The following GALNT13 variants were observed in gnomAD, a reference collection of about 807,000 sequenced individuals.
GALNT13 encodes polypeptide N-acetylgalactosaminyltransferase 13.
Under a neutral mutation model 64.2 loss-of-function variants are expected in GALNT13, and 28 were observed. That is an observed-to-expected ratio of 0.44 (90% CI 0.32 to 0.60). The LOEUF (loss-of-function observed/expected upper bound fraction) is 0.60. Among genes scored for constraint, GALNT13 ranks in the 20% least tolerant of loss-of-function variants. GALNT13 has a pLI of 0.05. For missense variants in GALNT13, 577 were observed against 669.8 expected (o/e 0.86, Z 1.53); for synonymous variants, 214 against 224.6 (o/e 0.95, Z 0.42).
intron 3 of GALNT13, among the ~76,000 whole-genome samples, chr2:154,052,382 C>T (rs1209947659): frequency 2.0e-5 from 3 of 152,152 alleles, no homozygotes; most frequent in East Asian, 1.9e-4. Context: ...CAAATGACCC[C>T]ATTATCTCCA....
At chr2:153,704,383 A>G in the GALNT13 span, among the ~76,000 whole-genome samples, 5 of 152,302 alleles carry the variant, frequency 3.3e-5, no homozygotes, top group Non-Finnish European at 1.5e-5. Flanking sequence ...TTATTTGAGC[A>G]TCATATTAAC....
At chr2:153,520,851 A>C in the GALNT13 span, among the ~76,000 whole-genome samples, 13,842 of 152,190 alleles carry the variant, frequency 0.091, 680 homozygotes, top group Middle Eastern at 0.16. Context: ...AAGTACATGA[A>C]CAGAAGAGAC....
chr2:153,850,850 A>G, the GALNT13 span, among the ~76,000 whole-genome samples: 1 of 152,200 alleles, frequency 6.6e-6, no homozygotes, highest in African/African-American at 2.4e-5. Context: ...AATGATACAG[A>G]GAGGTAAAAG....
chr2:154,229,747 C>T (rs1009989134), intron 4 of GALNT13, among the ~76,000 whole-genome samples: 2 of 151,978 alleles, frequency 1.3e-5, no homozygotes, highest in African/African-American at 4.8e-5. Flanking sequence ...GAGTTAAAAG[C>T]ATGAGAGGGC....
the GALNT13 span, among the ~76,000 whole-genome samples, chr2:153,350,620 T>A: frequency 5.9e-5 from 9 of 152,014 alleles, no homozygotes; most frequent in African/African-American, 2.2e-4. Context: ...TGACTTCAGG[T>A]GATCCACCCG....
At chr2:153,256,810 C>T in the GALNT13 span, among the ~76,000 whole-genome samples, 6 of 152,320 alleles carry the variant, frequency 3.9e-5, no homozygotes, top group Admixed American at 3.9e-4. Flanking sequence ...TCTGCCTGTT[C>T]TCAGATCTCC....
At chr2:153,849,676 C>T in the GALNT13 span, among the ~76,000 whole-genome samples, 1 of 152,030 alleles carries the variant, frequency 6.6e-6, no homozygotes, top group Non-Finnish European at 1.5e-5. Context: ...AACCCAGCAG[C>T]CTCCCTGAAT....
At chr2:154,287,723 G>C (rs1692355444) in intron 8 of GALNT13, among the ~76,000 whole-genome samples, 1 of 151,842 alleles carries the variant, frequency 6.6e-6, no homozygotes. Flanking sequence ...CTTTATTACT[G>C]TTCTTTTGAA....
chr2:154,132,534 A>G (rs192029279), intron 3 of GALNT13, among the ~76,000 whole-genome samples: 4 of 152,200 alleles, frequency 2.6e-5, no homozygotes, highest in African/African-American at 9.6e-5. Flanking sequence ...GGGTGATGAT[A>G]TGTACACTTA....
the GALNT13 span, among the ~76,000 whole-genome samples, chr2:153,844,081 T>TA: frequency 6.6e-6 from 1 of 152,262 alleles, no homozygotes; most frequent in East Asian, 1.9e-4. Context: ...GTCCCCTTCA[T>TA]ACAGCTCCAC....
the GALNT13 span, among the ~76,000 whole-genome samples, chr2:153,136,848 C>CCACACACACACA: frequency 5.9e-3 from 880 of 148,428 alleles, 8 homozygotes; most frequent in South Asian, 0.025. Flanking sequence ...GGTGTTTGCA[C>CCACACACACACA]CACACACACA....
At chr2:154,152,618 C>G (rs564444125) in intron 4 of GALNT13, among the ~76,000 whole-genome samples, 2 of 152,066 alleles carry the variant, frequency 1.3e-5, no homozygotes, top group Admixed American at 1.3e-4. Flanking sequence ...TTCTTGGAGG[C>G]TTTGTTCATT....
the GALNT13 span, among the ~76,000 whole-genome samples, chr2:153,400,779 T>A: frequency 6.6e-6 from 1 of 152,180 alleles, no homozygotes; most frequent in African/African-American, 2.4e-5. Context: ...ATATCCCCTT[T>A]ATCATTTTTT....
the GALNT13 span, among the ~76,000 whole-genome samples, chr2:153,619,774 C>A: frequency 4.1e-4 from 62 of 152,126 alleles, no homozygotes; most frequent in African/African-American, 1.4e-3. Flanking sequence ...ACCACCCTCT[C>A]CTGGCCTGTA....
intron 9 of GALNT13, among the ~76,000 whole-genome samples, chr2:154,348,148 A>C (rs1696174851): frequency 6.6e-6 from 1 of 152,206 alleles, no homozygotes. Context: ...CCAAGGTCAC[A>C]GAATTATCAA....
chr2:153,644,445 A>G, the GALNT13 span, among the ~76,000 whole-genome samples: 1 of 152,046 alleles, frequency 6.6e-6, no homozygotes, highest in Non-Finnish European at 1.5e-5. Flanking sequence ...GTGTAAGATC[A>G]TCAGACCAGT....
chr2:153,775,050 C>T, the GALNT13 span, among the ~76,000 whole-genome samples: 2 of 152,128 alleles, frequency 1.3e-5, no homozygotes, highest in Non-Finnish European at 2.9e-5. Flanking sequence ...TTTTCTGATG[C>T]TTTATTATAG....
intron 4 of GALNT13, among the ~76,000 whole-genome samples, chr2:154,213,789 G>T (rs190054470): frequency 6.6e-6 from 1 of 152,006 alleles, no homozygotes; most frequent in South Asian, 2.1e-4. Context: ...TTGATGAGAC[G>T]AATAAATATT....
the GALNT13 span, among the ~76,000 whole-genome samples, chr2:153,556,654 A>G: frequency 1.3e-5 from 2 of 152,246 alleles, no homozygotes; most frequent in African/African-American, 4.8e-5. Flanking sequence ...AGCAGGTAAT[A>G]CAAGTGTGTT....
Sources: allele counts gnomAD v4.1 joint callset (sites outside exome capture counted in the v4.1 genomes callset), GRCh38; gene constraint gnomAD v4.1.1; transcripts MANE v1.5; gene names NCBI Gene and HGNC (gene_info 2026-07-23, HGNC 2026-07-21).